Variants in FGFR1OP2 observed in about 807,000 individuals in gnomAD.
FGFR1OP2 encodes the protein fibroblast growth factor receptor 1 oncogene partner 2.
In FGFR1OP2, 17 loss-of-function variants were observed where a neutral mutation model predicts 35.2. The observed-to-expected ratio is 0.48, with a 90% CI of 0.33 to 0.73. FGFR1OP2 has a LOEUF of 0.73. FGFR1OP2 is among the 30% of genes least tolerant of loss of function. The probability of loss-of-function intolerance (pLI) is 0.02; values close to 1 mark genes in which losing one functional copy is unlikely to be tolerated. For missense variants in FGFR1OP2, 251 were observed against 307.3 expected (o/e 0.82, Z 1.37); for synonymous variants, 105 against 104.6 (o/e 1.00, Z -0.03).
intron 1 of FGFR1OP2, among the ~76,000 whole-genome samples, chr12:26,952,288 C>T (rs79303714): frequency 2.0e-5 from 3 of 150,576 alleles, no homozygotes; most frequent in Admixed American, 2.0e-4. Context: ...AGAGGAAGTA[C>T]AGGGTATTGT....
chr12:26,942,547 G>T (rs1938753253), intron 1 of FGFR1OP2, among the ~76,000 whole-genome samples: 1 of 152,184 alleles, frequency 6.6e-6, no homozygotes, highest in Admixed American at 6.5e-5. Context: ...AGGCAAATAG[G>T]TGAAGCAATT....
At chr12:26,948,433 A>G (rs1257028325) in intron 1 of FGFR1OP2, among the ~76,000 whole-genome samples, 1 of 152,182 alleles carries the variant, frequency 6.6e-6, no homozygotes, top group Non-Finnish European at 1.5e-5. Context: ...TTTTGGGTTG[A>G]TAGGTCTGTT....
intron 5 of FGFR1OP2, chr12:26,962,539 T>G (rs1939118694): frequency 6.6e-6 from 1 of 152,220 alleles, no homozygotes; most frequent in African/African-American, 2.4e-5. Context: ...CTGTTGATTT[T>G]AAACCTTTTT....
At chr12:26,941,443 A>C (rs1938732995) in intron 1 of FGFR1OP2, among the ~76,000 whole-genome samples, 1 of 152,234 alleles carries the variant, frequency 6.6e-6, no homozygotes. Flanking sequence ...AATTCTTAGA[A>C]ACTGTTGTCA....
intron 1 of FGFR1OP2, among the ~76,000 whole-genome samples, chr12:26,939,784 C>T (rs956981637): frequency 3.3e-5 from 5 of 152,122 alleles, no homozygotes; most frequent in African/African-American, 1.2e-4. Flanking sequence ...AGAAAAAGTC[C>T]AGTACTTGGC....
intron 2 of FGFR1OP2, among the ~76,000 whole-genome samples, chr12:26,955,733 T>C (rs1939008045): frequency 6.6e-6 from 1 of 152,232 alleles, no homozygotes; most frequent in Admixed American, 6.5e-5. Flanking sequence ...TGATAGGCAT[T>C]TGGATTATTT....
intron 1 of FGFR1OP2, among the ~76,000 whole-genome samples, chr12:26,947,061 A>C (rs141105473): frequency 6.6e-6 from 1 of 151,506 alleles, no homozygotes; most frequent in African/African-American, 2.4e-5. Flanking sequence ...AACACATCAT[A>C]TTTACTCATT....
intron 5 of FGFR1OP2, chr12:26,962,112 C>A (rs781624480): frequency 6.6e-6 from 1 of 152,118 alleles, no homozygotes; most frequent in Non-Finnish European, 1.5e-5. Flanking sequence ...GTCACTAATG[C>A]GTTTGAGGGA....
chr12:26,941,006 G>A (rs1441503848), intron 1 of FGFR1OP2, among the ~76,000 whole-genome samples: 1 of 151,968 alleles, frequency 6.6e-6, no homozygotes, highest in Non-Finnish European at 1.5e-5. Flanking sequence ...ATCAGCAGCA[G>A]AATGTTCTAA....
In FGFR1OP2 at chr12:26,964,608, G is replaced by T. The variant is rs762872749; in HGVS notation, c.637G>T (p.Gly213Cys). The change falls in exon 7 of 7, where the codon GGC becomes TGC. Residue 213 changes from glycine to cysteine, a missense_variant. Physicochemically the swap from Gly to Cys is radical, Grantham distance 159. Coordinates refer to ENST00000229395, the MANE Select transcript of FGFR1OP2 (RefSeq NM_015633.3). ...RIFQLEQENKGLREILQITRE... is the reference protein window; with the variant it reads ...RIFQLEQENKCLREILQITRE... ...GCTTGCCTTTTAGCAAGAAAACAAA[G>T]GCTTGAGAGAGATCCTTCAAATAAC... is the stretch of plus-strand genomic sequence containing the variant. 1 of 1,612,288 alleles carries T rather than the reference G, an allele frequency of 6.2e-7. No individual in the cohort carries two copies. The highest frequency in any genetic ancestry group is 1.1e-5 in the South Asian group (1 of 90,978).
intron 1 of FGFR1OP2, among the ~76,000 whole-genome samples, chr12:26,942,915 G>A (rs1322152097): frequency 2.0e-5 from 3 of 152,124 alleles, no homozygotes; most frequent in Non-Finnish European, 4.4e-5. Flanking sequence ...TCTCTAAACA[G>A]TGTCTTTCCC....
intron 1 of FGFR1OP2, among the ~76,000 whole-genome samples, chr12:26,943,741 C>T: frequency 6.6e-6 from 1 of 152,168 alleles, no homozygotes; most frequent in Non-Finnish European, 1.5e-5. Flanking sequence ...AAGAGAATCG[C>T]TTGAACCCAG....
At chr12:26,958,971 A>G (rs1939064006) in intron 4 of FGFR1OP2, among the ~76,000 whole-genome samples, 1 of 152,170 alleles carries the variant, frequency 6.6e-6, no homozygotes, top group African/African-American at 2.4e-5. Flanking sequence ...GAAATAGGAA[A>G]GGACATATTT....
At position 26,965,331 on chromosome 12, in the gene FGFR1OP2, A is replaced by G. The variant is rs943164433; in HGVS notation, c.*598A>G. Reference sequence around the variant, plus strand: ...TATCATAACTGATACTTAGCTAACAATTGTCCATAACTTGTTTAAGTGTAA... The same window carrying G: ...TATCATAACTGATACTTAGCTAACAGTTGTCCATAACTTGTTTAAGTGTAA... On this transcript the variant is annotated 3_prime_UTR_variant, in exon 7 of 7. Coordinates refer to ENST00000229395, the MANE Select transcript of FGFR1OP2 (RefSeq NM_015633.3). 1.6e-4 allele frequency: 25 copies of G among 152,594 alleles called. No individual in the cohort carries two copies. Among genetic ancestry groups the G allele is most frequent in the Admixed American group, 6.5e-4 (10 of 15,272 alleles). The allele number at this position is 152,594 out of a possible 1,614,324, so 9.5% of individuals were successfully genotyped here. A position where few individuals can be genotyped will look rare whatever the true frequency, so the allele number is the denominator to read the frequency against.
In FGFR1OP2 at chr12:26,966,317, T is replaced by G. The variant is rs1939181394; in HGVS notation, c.*1584T>G. The G allele has an allele frequency of 6.6e-6, 1 of 152,152 alleles. No individual in the cohort carries two copies. Among genetic ancestry groups the G allele is most frequent in the African/African-American group, 2.4e-5 (1 of 41,468 alleles). 9.4% of individuals were successfully genotyped at this position (152,152 alleles called of 1,614,324 possible). A position where few individuals can be genotyped will look rare whatever the true frequency, so the allele number is the denominator to read the frequency against. On this transcript the variant is annotated 3_prime_UTR_variant, in exon 7 of 7. Transcript: ENST00000229395. ...TTTAATGACACATTCATTCAGATAC[T>G]TCTTATCCCTGCTAATAAAGGAAAT...
At chr12:26,949,014 A>G (rs988085610) in intron 1 of FGFR1OP2, among the ~76,000 whole-genome samples, 2 of 152,178 alleles carry the variant, frequency 1.3e-5, no homozygotes, top group African/African-American at 4.8e-5. Context: ...AAAAATAACT[A>G]AACTTAAAAA....
At chr12:26,945,953 C>T (rs1173310465) in intron 1 of FGFR1OP2, among the ~76,000 whole-genome samples, 1 of 151,828 alleles carries the variant, frequency 6.6e-6, no homozygotes, top group Non-Finnish European at 1.5e-5. Flanking sequence ...GATCTATCCT[C>T]ATGAATATCT....
intron 1 of FGFR1OP2, among the ~76,000 whole-genome samples, chr12:26,945,973 A>G (rs929487319): frequency 1.3e-5 from 2 of 152,128 alleles, no homozygotes; most frequent in South Asian, 2.1e-4. Context: ...TTGAGCACTT[A>G]AAAAGAATGT....
chr12:26,948,801 A>G (rs896092765), intron 1 of FGFR1OP2, among the ~76,000 whole-genome samples: 8 of 152,370 alleles, frequency 5.3e-5, no homozygotes, highest in African/African-American at 1.2e-4. Flanking sequence ...CACAAAATAC[A>G]GTATTTTAGT....
Sources: allele counts gnomAD v4.1 joint callset (sites outside exome capture counted in the v4.1 genomes callset), GRCh38; gene constraint gnomAD v4.1.1; transcripts MANE v1.5; gene names NCBI Gene and HGNC (gene_info 2026-07-23, HGNC 2026-07-21).